TMEM150B: variants seen among roughly 807,000 people sequenced by gnomAD.
The protein encoded by TMEM150B is modulator of macroautophagy TMEM150B.
In TMEM150B, 33 loss-of-function variants were observed where a neutral mutation model predicts 25.2. That is an observed-to-expected ratio of 1.31 (90% confidence interval 0.99 to 1.75). TMEM150B has a LOEUF of 1.75. TMEM150B is among the 40% of genes most tolerant of loss of function. The pLI, the probability that TMEM150B is intolerant of heterozygous loss-of-function variation, is 0.00. For missense variants in TMEM150B, 322 were observed against 306.1 expected (o/e 1.05, Z -0.39); for synonymous variants, 133 against 134.8 (o/e 0.99, Z 0.09).
chr19:55,320,680 A>C (rs947669170), intron 3 of TMEM150B, 63 bp from the exon 4 acceptor site: 18 of 1,592,822 alleles, frequency 1.1e-5, no homozygotes, highest in South Asian at 3.3e-5. Context: ...TGTTAACCAA[A>C]CAAACAAGGA....
chr19:55,311,999 C>G, downstream of TMEM150B: 1 of 1,541,526 alleles, frequency 6.5e-7, no homozygotes. Context: ...CAGAGCTGAG[C>G]AGCTCTCCCC....
chr19:55,311,570 G>A (rs995453222), downstream of TMEM150B, among the ~76,000 whole-genome samples: 1 of 152,198 alleles, frequency 6.6e-6, no homozygotes, highest in Admixed American at 6.5e-5. Flanking sequence ...GCACCGTCCT[G>A]GCAGGCTGTT....
rs530220735 is a variant in TMEM150B at position 55,316,870 on chromosome 19, T to C, written c.421A>G (p.Lys141Glu). 1 of 1,600,938 alleles carries C rather than the reference T, an allele frequency of 6.2e-7. No individual in the cohort carries two copies. Among genetic ancestry groups the C allele is most frequent in the East Asian group, 2.3e-5 (1 of 44,048 alleles). Residue 141 changes from lysine to glutamate, a missense_variant, in exon 7 of 8, where the codon AAG (lysine) becomes GAG (glutamate). Transcript: ENST00000326652. Reference sequence around the variant, plus strand: ...GCAGCCCCGGGCTGGGGCAGCCTCTTCAGCCTCCACAGGAGGAGCTGCAGC... The same window carrying C: ...GCAGCCCCGGGCTGGGGCAGCCTCTCCAGCCTCCACAGGAGGAGCTGCAGC... ...FWLQLLLWRLKRLPQPGAAWI... is the reference protein window; with the variant it reads ...FWLQLLLWRLERLPQPGAAWI...
At chr19:55,321,224 C>T in intron 2 of TMEM150B, 131 bp from the exon 3 acceptor site, 1 of 1,281,634 alleles carries the variant, frequency 7.8e-7, no homozygotes, top group Non-Finnish European at 1.0e-6. Flanking sequence ...CATTTCCAGG[C>T]AATTTCCCCA....
At chr19:55,313,903 G>T (rs1331074204) in intron 7 of TMEM150B, among the ~76,000 whole-genome samples, 1 of 152,182 alleles carries the variant, frequency 6.6e-6, no homozygotes, top group African/African-American at 2.4e-5. Flanking sequence ...CATTCATTCA[G>T]GGATTTCTAA....
chr19:55,324,483 A>T (rs1450394597), intron 1 of TMEM150B, among the ~76,000 whole-genome samples: 1 of 151,966 alleles, frequency 6.6e-6, no homozygotes, highest in Non-Finnish European at 1.5e-5. Flanking sequence ...CCCCGTCTCT[A>T]CTAAAAATAC....
At chr19:55,316,459 C>G (rs1275045728) in intron 7 of TMEM150B, among the ~76,000 whole-genome samples, 1 of 152,064 alleles carries the variant, frequency 6.6e-6, no homozygotes, top group Non-Finnish European at 1.5e-5. Context: ...AGGCACAGAT[C>G]TAAGCACCGT....
chr19:55,318,469 T>C (rs1296733770), intron 6 of TMEM150B, among the ~76,000 whole-genome samples: 1 of 152,020 alleles, frequency 6.6e-6, no homozygotes, highest in African/African-American at 2.4e-5. Context: ...CCATCTCTAC[T>C]AAAAATACAA....
chr19:55,315,207 T>C (rs1320109078), intron 7 of TMEM150B, among the ~76,000 whole-genome samples: 1 of 151,782 alleles, frequency 6.6e-6, no homozygotes, highest in Non-Finnish European at 1.5e-5. Flanking sequence ...TCCCAGCTAC[T>C]TGGGAGGCTG....
intron 6 of TMEM150B, among the ~76,000 whole-genome samples, chr19:55,317,728 C>T (rs888187163): frequency 1.3e-4 from 19 of 151,942 alleles, no homozygotes; most frequent in Non-Finnish European, 2.6e-4. Flanking sequence ...TTGCAGTGAG[C>T]CAAGATCGCA....
chr19:55,316,761 C>T, intron 7 of TMEM150B, 25 bp downstream of exon 7: 1 of 1,469,762 alleles, frequency 6.8e-7, no homozygotes, highest in Non-Finnish European at 9.0e-7. Flanking sequence ...ACCTCCAAGC[C>T]CTACCCCGGA....
intron 6 of TMEM150B, among the ~76,000 whole-genome samples, chr19:55,318,233 C>T (rs1432155784): frequency 2.0e-5 from 3 of 150,342 alleles, no homozygotes; most frequent in Non-Finnish European, 3.0e-5. Context: ...TGGTGGTGAG[C>T]GCCTGTAATC....
chr19:55,321,240 C>A (rs2089200117), intron 2 of TMEM150B, 147 bp from the exon 3 acceptor site: 1 of 1,194,728 alleles, frequency 8.4e-7, no homozygotes, highest in East Asian at 2.9e-5. Context: ...CCCCACCTAT[C>A]CCGCAGTGTT....
chr19:55,324,220 C>T (rs1040952273), intron 1 of TMEM150B, among the ~76,000 whole-genome samples: 1 of 151,572 alleles, frequency 6.6e-6, no homozygotes, highest in Non-Finnish European at 1.5e-5. Context: ...CAGCCAGGGT[C>T]GGCTGGGCAA....
chr19:55,313,045 G>A lies in TMEM150B; in HGVS notation c.516C>T (p.Leu172=). 6.2e-7 allele frequency: 1 copy of A among 1,610,846 alleles called. No homozygotes were observed. Among genetic ancestry groups the A allele is most frequent in the Non-Finnish European group, 8.5e-7 (1 of 1,178,884 alleles). ...CTILIVAMIV[L]HACSLRSVSA... ...AGACGCTACGCAGCGAGCAGGCGTG[G>A]AGGACGATCACTGCCCCAGGGTCAA... is the stretch of plus-strand genomic sequence containing the variant. The change falls in exon 8 of 8, where the codon CTC becomes CTT. Residue 172 remains leucine (L), a synonymous_variant. Coordinates refer to ENST00000326652, the MANE Select transcript of TMEM150B (RefSeq NM_001282011.2).
chr19:55,325,042 T>C (rs1209818898), intron 1 of TMEM150B, among the ~76,000 whole-genome samples: 1 of 152,182 alleles, frequency 6.6e-6, no homozygotes, highest in East Asian at 1.9e-4. Flanking sequence ...CCCACTTCTC[T>C]TCCAAAAACA....
chr19:55,311,926 C>A (rs2088807889), downstream of TMEM150B: 3 of 1,611,604 alleles, frequency 1.9e-6, no homozygotes, highest in Non-Finnish European at 2.5e-6. Flanking sequence ...AAGAACGGGG[C>A]CCAGACCCGG....
chr19:55,312,272 TTTTA>T (rs1469657254), downstream of TMEM150B: 1 of 384,768 alleles, frequency 2.6e-6, no homozygotes, highest in Non-Finnish European at 4.6e-6. Flanking sequence ...GCTGTTTCTA[TTTTA>T]TTTATTGATT....
chr19:55,320,482 C>T (rs1342804738), intron 4 of TMEM150B, 24 bp from the exon 5 acceptor site: 2 of 1,605,668 alleles, frequency 1.2e-6, no homozygotes, highest in African/African-American at 2.7e-5. Flanking sequence ...AGGGGTCATC[C>T]TGGGCAATCC....
Sources: gnomAD v4.1 joint callset for allele counts (sites outside exome capture counted in the v4.1 genomes callset) on GRCh38, gnomAD v4.1.1 for gene constraint, MANE v1.5 for transcripts, NCBI Gene and HGNC (gene_info 2026-07-23, HGNC 2026-07-21) for gene names.